DDA1: variants seen among roughly 807,000 people sequenced by gnomAD.
DDA1 encodes the protein DET1- and DDB1-associated protein 1.
DDA1 carries 3 observed loss-of-function variants against 18.6 expected under a neutral mutation model. That is an observed-to-expected ratio of 0.16 (90% CI 0.07 to 0.42). The LOEUF is 0.42. Ranked by LOEUF, DDA1 falls within the 10% of genes least tolerant of loss-of-function variation. DDA1 has a pLI of 0.99. For missense variants in DDA1, 105 were observed against 138.2 expected (o/e 0.76, Z 1.20); for synonymous variants, 52 against 54.0 (o/e 0.96, Z 0.17).
In DDA1 at chr19:17,322,947, G is replaced by C. The variant is rs987345346; in HGVS notation, c.*3291G>C. Reference sequence around the variant, plus strand: ...AGAAGGAGTCTTACTCAGGACTGGGGCCTGTGCACACATTGTCGCCTCTTT... The same window carrying C: ...AGAAGGAGTCTTACTCAGGACTGGGCCCTGTGCACACATTGTCGCCTCTTT... On this transcript the variant is annotated 3_prime_UTR_variant, in exon 5 of 5. Coordinates refer to ENST00000359866, the MANE Select transcript of DDA1 (RefSeq NM_024050.6). 9.8e-5 allele frequency: 15 copies of C among 152,286 alleles called. No individual in the cohort carries two copies. Among genetic ancestry groups the C allele is most frequent in the African/African-American group, 2.7e-4 (11 of 41,478 alleles). 9.4% of individuals were successfully genotyped at this position (152,286 alleles called of 1,614,324 possible). A position where few individuals can be genotyped will look rare whatever the true frequency, so the allele number is the denominator to read the frequency against.
intron 4 of DDA1, among the ~76,000 whole-genome samples, chr19:17,318,678 T>C (rs2074225387): frequency 6.6e-6 from 1 of 151,878 alleles, no homozygotes. Flanking sequence ...TCTTTTTTTT[T>C]TTGGAGACGG....
At position 17,314,690 on chromosome 19, in the gene DDA1, A is replaced by C. The variant is rs571448283; in HGVS notation, c.136+301A>C. On this transcript the variant is annotated intron_variant, in intron 3 of 4. Transcript: ENST00000359866. The surrounding 1 kb of genome is among the most constrained non-coding windows in gnomAD (Gnocchi z 4.6). ...TCTTGATTGGGACACACTGGGATCC[A>C]CAGCCAGCCCAAAGGGGCCCCCAAG... The C allele has an allele frequency of 4.5e-6, 2 of 441,410 alleles. No individual in the cohort carries two copies. Among genetic ancestry groups the C allele is most frequent in the Non-Finnish European group, 8.3e-6 (2 of 241,064 alleles). The allele number at this position is 441,410 out of a possible 1,614,324, so 27.3% of individuals were successfully genotyped here.
chr19:17,316,045 G>T, intron 4 of DDA1, 50 bp downstream of exon 4: 1 of 1,583,030 alleles, frequency 6.3e-7, no homozygotes, highest in Non-Finnish European at 8.7e-7. Context: ...ACAGAGACTG[G>T]GCACCTGGCA....
At chr19:17,319,149 C>G (rs2074227699) in intron 4 of DDA1, among the ~76,000 whole-genome samples, 1 of 152,106 alleles carries the variant, frequency 6.6e-6, no homozygotes, top group Admixed American at 6.6e-5. Context: ...GGGGGTGACT[C>G]CGGGTGCCAG....
chr19:17,313,191 G>A lies in DDA1; in HGVS notation c.4-832G>A, dbSNP rs550794480. On this transcript the variant is annotated intron_variant, in intron 1 of 4. Coordinates refer to ENST00000359866, the MANE Select transcript of DDA1 (RefSeq NM_024050.6). ...GAAGAGAAGGAGCTTGGCTTCTGAGGTGGGGTACATGTGGGTTCAAATCAG... is the reference window on the plus strand; with the variant it reads ...GAAGAGAAGGAGCTTGGCTTCTGAGATGGGGTACATGTGGGTTCAAATCAG... Among the ~76,000 whole-genome samples, 158 of 152,262 alleles carry A rather than the reference G, an allele frequency of 1.0e-3. 3 individuals carry two copies. The South Asian group carries it at 0.032, about 31-fold the overall frequency.
intron 4 of DDA1, among the ~76,000 whole-genome samples, chr19:17,317,450 G>T (rs1309063996): frequency 6.6e-6 from 1 of 152,040 alleles, no homozygotes; most frequent in Admixed American, 6.6e-5. Flanking sequence ...CCAGGAGGTG[G>T]AGCTTGCAGT....
Position 17,319,735 on chromosome 19 carries a change from C to A in DDA1, c.*79C>A. The stretch of plus-strand genomic sequence containing the variant: ...CGCCTGCCCGCCATGTGTAAGCACC[C>A]CGCCCGCCCGCCTCCCTGCCGGCCC... On this transcript the variant is annotated 3_prime_UTR_variant, in exon 5 of 5. Transcript: ENST00000359866. 1 of 1,260,734 alleles carries A rather than the reference C, an allele frequency of 7.9e-7. No individual in the cohort carries two copies. The highest frequency in any genetic ancestry group is 1.1e-6 in the Non-Finnish European group (1 of 899,136). 78.1% of individuals were successfully genotyped at this position (1,260,734 alleles called of 1,614,324 possible).
intron 4 of DDA1, among the ~76,000 whole-genome samples, chr19:17,318,558 G>C (rs577790117): frequency 1.3e-5 from 2 of 152,090 alleles, no homozygotes; most frequent in South Asian, 4.1e-4. Flanking sequence ...GTAGAGACAG[G>C]GTTTCTCCAT....
rs1460805978 is a variant in DDA1 at position 17,309,779 on chromosome 19, CG to C, written c.3+123del. The C allele has an allele frequency of 2.3e-6, 3 of 1,291,008 alleles. No individual in the cohort carries two copies. In the African/African-American group the frequency reaches 4.5e-5, roughly 20 times the overall value. The allele number at this position is 1,291,008 out of a possible 1,614,324, so 80.0% of individuals were successfully genotyped here. ...CTGCCCGGTCCCCTCAGGTCCGGCC[CG>C]CCCCTCCCACTCACCTGTGACCTTC... On this transcript the variant is annotated intron_variant, in intron 1 of 4. Coordinates refer to ENST00000359866, the MANE Select transcript of DDA1 (RefSeq NM_024050.6).
rs1281980179 is a variant in DDA1, at chr19:17,319,676, G to A, written c.*20G>A. The stretch of plus-strand genomic sequence containing the variant: ...ACTTAAGACTCTCAACTCCACAGGC[G>A]CCTCCTGCCAGGTCTGCTCCTCGGT... On this transcript the variant is annotated 3_prime_UTR_variant, in exon 5 of 5. Transcript: ENST00000359866. 8.4e-6 allele frequency: 13 copies of A among 1,550,068 alleles called. No homozygotes were observed. Among genetic ancestry groups the A allele is most frequent in the Middle Eastern group, 1.7e-4 (1 of 5,988 alleles).
chr19:17,314,805 G>A lies in DDA1; in HGVS notation c.136+416G>A. ...CTGGTTCTAAGACAAGTGCTATCGG[G>A]CAGAGAGGCAGCAGAGGGCTACAGG... On this transcript the variant is annotated intron_variant, in intron 3 of 4. Transcript: ENST00000359866. This position sits in a 1 kb window ranked among gnomAD's most constrained non-coding sequence, Gnocchi z 4.6. 1 of 213,472 alleles carries A rather than the reference G, an allele frequency of 4.7e-6. No homozygotes were observed. Among genetic ancestry groups the A allele is most frequent in the Non-Finnish European group, 9.6e-6 (1 of 103,942 alleles). The allele number at this position is 213,472 out of a possible 1,614,324, so 13.2% of individuals were successfully genotyped here.
At chr19:17,317,273 G>A (rs140830846) in intron 4 of DDA1, among the ~76,000 whole-genome samples, 2,374 of 152,134 alleles carry the variant, frequency 0.016, 57 homozygotes, top group African/African-American at 0.054. Context: ...ACTTTGGGAG[G>A]CCGAGTCAGG....
chr19:17,319,882 T>C lies in DDA1; in HGVS notation c.*226T>C. ...TGGTTAAAGGGGACATCAGACCCAG[T>C]AGTGTGATGTTGGTAGATGCTTTTT... On this transcript the variant is annotated 3_prime_UTR_variant, in exon 5 of 5. Transcript: ENST00000359866. 4 of 510,434 alleles carry C rather than the reference T, an allele frequency of 7.8e-6. No homozygotes were observed. Among genetic ancestry groups the C allele is most frequent in the Non-Finnish European group, 1.4e-5 (4 of 286,674 alleles). 31.6% of individuals were successfully genotyped at this position (510,434 alleles called of 1,614,324 possible).
chr19:17,315,100 C>CACATATATATACACACACGTATATATAT lies in DDA1; in HGVS notation c.136+714_136+715insTATATATACACACACGTATATATATACA, dbSNP rs1568353463. ...AAAACCATATATATACGTATATATA[C>CACATATATATACACACACGTATATATAT]ACACATATATATACACACACGTATA... On this transcript the variant is annotated intron_variant, in intron 3 of 4. Transcript: ENST00000359866. Among the ~76,000 whole-genome samples, 3 of 67,430 alleles carry CACATATATATACACACACGTATATATAT rather than the reference C, an allele frequency of 4.4e-5. 1 individual carries two copies. Among genetic ancestry groups the CACATATATATACACACACGTATATATAT allele is most frequent in the Non-Finnish European group, 8.5e-5 (3 of 35,276 alleles). The allele number at this position is 67,430 out of a possible 152,430, so 44.2% of individuals were successfully genotyped here.
intron 1 of DDA1, among the ~76,000 whole-genome samples, chr19:17,311,110 C>T (rs181663243): frequency 6.6e-6 from 1 of 152,086 alleles, no homozygotes; most frequent in East Asian, 1.9e-4. Context: ...GCCTCAGCCT[C>T]CCAAAGTGCT....
chr19:17,317,183 C>T (rs1011113823), intron 4 of DDA1, among the ~76,000 whole-genome samples: 1 of 152,130 alleles, frequency 6.6e-6, no homozygotes, highest in African/African-American at 2.4e-5. Context: ...CAAGATCATG[C>T]CACTGCACTG....
chr19:17,318,567 A>T (rs1042221703), intron 4 of DDA1, among the ~76,000 whole-genome samples: 8 of 151,344 alleles, frequency 5.3e-5, no homozygotes, highest in Non-Finnish European at 1.2e-4. Flanking sequence ...GGGTTTCTCC[A>T]TGTTGGCCAG....
At position 17,314,593 on chromosome 19, in the gene DDA1, G is replaced by A. The variant is rs1254670133; in HGVS notation, c.136+204G>A. 7 of 627,166 alleles carry A rather than the reference G, an allele frequency of 1.1e-5. No homozygotes were observed. In the Admixed American group the frequency reaches 1.7e-4, roughly 16 times the overall value. The allele number at this position is 627,166 out of a possible 1,614,324, so 38.9% of individuals were successfully genotyped here. A position where few individuals can be genotyped will look rare whatever the true frequency, so the allele number is the denominator to read the frequency against. On this transcript the variant is annotated intron_variant, in intron 3 of 4. Coordinates refer to ENST00000359866, the MANE Select transcript of DDA1 (RefSeq NM_024050.6). This position sits in a 1 kb window ranked among gnomAD's most constrained non-coding sequence, Gnocchi z 4.6. ...GGGGACCTTGGGGGCTTCAGCCTGG[G>A]GATGCACACGTGGATGCCTGTCCAC...
chr19:17,312,451 G>A (rs2074183663), intron 1 of DDA1, among the ~76,000 whole-genome samples: 1 of 152,134 alleles, frequency 6.6e-6, no homozygotes, highest in Non-Finnish European at 1.5e-5. Flanking sequence ...ATGGAGGCAT[G>A]AGGGGCATTC....
Sources: gnomAD v4.1 joint callset for allele counts (sites outside exome capture counted in the v4.1 genomes callset) on GRCh38, gnomAD v4.1.1 for gene constraint, Gnocchi (gnomAD v3.1) non-coding constraint, MANE v1.5 for transcripts, NCBI Gene and HGNC (gene_info 2026-07-23, HGNC 2026-07-21) for gene names.